Variants in CTSB observed in about 807,000 individuals in gnomAD.
CTSB encodes the protein cathepsin B, also known as APP secretase.
In CTSB, 57 loss-of-function variants were observed where a neutral mutation model predicts 44.3. The observed-to-expected ratio is 1.29, with a 90% CI of 1.04 to 1.60. The LOEUF is 1.60. CTSB is among the 40% of genes most tolerant of loss of function. The pLI is 0.00. For missense variants in CTSB, 768 were observed against 443.0 expected (o/e 1.73, Z -6.59); for synonymous variants, 320 against 168.0 (o/e 1.91, Z -7.00).
chr8:11,844,423 TTTC>T lies in CTSB; in HGVS notation c.*699_*701del, dbSNP rs1812847846. 6.6e-6 allele frequency: 1 copy of T among 152,198 alleles called. No homozygotes were observed. Among genetic ancestry groups the T allele is most frequent in the Non-Finnish European group, 1.5e-5 (1 of 68,042 alleles). 9.4% of individuals were successfully genotyped at this position (152,198 alleles called of 1,614,324 possible). Reference sequence around the variant, plus strand: ...TAAAAGCTGGTTTCTCCTAAACTATTTTCCTTGTGGTAGTAGAGATCAGTGGGT... The same window carrying T: ...TAAAAGCTGGTTTCTCCTAAACTATTCTTGTGGTAGTAGAGATCAGTGGGT... On this transcript the variant is annotated 3_prime_UTR_variant, in exon 10 of 10. Coordinates refer to ENST00000353047, the MANE Select transcript of CTSB (RefSeq NM_001908.5).
At chr8:11,867,575 AT>A (rs1468389046) in intron 1 of CTSB, 1 of 152,192 alleles carries the variant, frequency 6.6e-6, no homozygotes, top group African/African-American at 2.4e-5. Context: ...GGCAGATGCG[AT>A]TATGTCGGCA....
At position 11,845,642 on chromosome 8, in the gene CTSB, G is replaced by T; in HGVS notation, c.922+19C>A. On this transcript the variant is annotated intron_variant, in intron 9 of 9. Coordinates refer to ENST00000353047, the MANE Select transcript of CTSB (RefSeq NM_001908.5). Reference sequence around the variant, plus strand: ...GCTCACAATTCACTGTTCTTGGCAGGAAGGGGGCAGCCACTCACCATTGTC... The same window carrying T: ...GCTCACAATTCACTGTTCTTGGCAGTAAGGGGGCAGCCACTCACCATTGTC... 6.2e-7 allele frequency: 1 copy of T among 1,610,034 alleles called. No individual in the cohort carries two copies. The highest frequency in any genetic ancestry group is 8.5e-7 in the Non-Finnish European group (1 of 1,177,070).
intron 1 of CTSB, 50 bp from the exon 2 acceptor site, chr8:11,853,529 G>C (rs939307344): frequency 6.5e-7 from 1 of 1,543,138 alleles, no homozygotes; most frequent in Admixed American, 1.8e-5. Flanking sequence ...GTGGGTCGAG[G>C]GCTCACACAC....
rs368482495 is a variant in CTSB at position 11,843,205 on chromosome 8, C to T, written c.*1920G>A. ...CTTGTCATCCTCCCACCTTGGCCTC[C>T]CAAAGTGCTGGGATTACAGGCGTGA... On this transcript the variant is annotated 3_prime_UTR_variant, in exon 10 of 10. Transcript: ENST00000353047. The T allele has an allele frequency of 1.6e-4, 25 of 152,392 alleles. No individual in the cohort carries two copies. Among genetic ancestry groups the T allele is most frequent in the Middle Eastern group, 6.8e-3 (2 of 294 alleles). The allele number at this position is 152,392 out of a possible 1,614,324, so 9.4% of individuals were successfully genotyped here. A position where few individuals can be genotyped will look rare whatever the true frequency, so the allele number is the denominator to read the frequency against.
intron 1 of CTSB, chr8:11,857,969 C>T (rs1427199810): frequency 6.6e-6 from 1 of 152,308 alleles, no homozygotes; most frequent in African/African-American, 2.4e-5. Flanking sequence ...ATGAGCCCTG[C>T]ACTTGGAGTC....
intron 1 of CTSB, chr8:11,855,067 G>A (rs1262341423): frequency 6.6e-6 from 1 of 152,376 alleles, no homozygotes; most frequent in Non-Finnish European, 1.5e-5. Flanking sequence ...CTGTCCCCCA[G>A]GCTGGAGTGC....
Position 11,852,676 on chromosome 8 carries a change from T to C in CTSB, c.146A>G (p.Asn49Ser), listed in dbSNP as rs143759433. The C allele has an allele frequency of 2.5e-4, 410 of 1,613,992 alleles. 3 individuals carry two copies. The East Asian group carries it at 9.0e-3, about 35-fold the overall frequency. ...TTWQAGHNFY[N>S]VDMSYLKRLC... ...CCTCTTCAAGTAGCTCATGTCCACGTTGTAGAAGTTGTGCCCGGCCTGGAA... is the reference window on the plus strand; with the variant it reads ...CCTCTTCAAGTAGCTCATGTCCACGCTGTAGAAGTTGTGCCCGGCCTGGAA... Residue 49 changes from asparagine to serine, a missense_variant, in exon 3 of 10, where the codon AAC (asparagine) becomes AGC (serine). By Grantham distance (46) the Asn-to-Ser change is conservative. Coordinates refer to ENST00000353047, the MANE Select transcript of CTSB (RefSeq NM_001908.5).
intron 1 of CTSB, among the ~76,000 whole-genome samples, chr8:11,857,046 G>T (rs934075881): frequency 3.3e-5 from 5 of 152,078 alleles, no homozygotes; most frequent in African/African-American, 1.2e-4. Flanking sequence ...ACTTTGAGAT[G>T]GGAGTCTCGC....
At chr8:11,848,931 G>T (rs1034689556) in intron 5 of CTSB, 115 bp downstream of exon 5, 1 of 725,172 alleles carries the variant, frequency 1.4e-6, no homozygotes, top group East Asian at 2.8e-5. Context: ...GAGTCTCCCC[G>T]AAACACTTCT....
In CTSB at chr8:11,843,885, A is replaced by C. The variant is rs756798200; in HGVS notation, c.*1240T>G. On this transcript the variant is annotated 3_prime_UTR_variant, in exon 10 of 10. Transcript: ENST00000353047. ...GTATGTACTTAAAAATACAAAAATT[A>C]CCCAGGCATATTGGTGAGTGCCTGT... The C allele has an allele frequency of 6.6e-6, 1 of 152,098 alleles. No homozygotes were observed. The highest frequency in any genetic ancestry group is 2.4e-5 in the African/African-American group (1 of 41,412). The allele number at this position is 152,098 out of a possible 1,614,324, so 9.4% of individuals were successfully genotyped here.
intron 1 of CTSB, among the ~76,000 whole-genome samples, chr8:11,857,649 C>T (rs951551548): frequency 6.6e-6 from 1 of 152,190 alleles, no homozygotes; most frequent in Admixed American, 6.5e-5. Context: ...CGTGGCCATT[C>T]CCTGGAGTCC....
At chr8:11,866,244 G>T (rs1037922394) in intron 1 of CTSB, among the ~76,000 whole-genome samples, 3 of 152,146 alleles carry the variant, frequency 2.0e-5, no homozygotes, top group Non-Finnish European at 2.9e-5. Flanking sequence ...AGCCTCCCCA[G>T]TCTGCTAAAT....
intron 1 of CTSB, among the ~76,000 whole-genome samples, chr8:11,863,717 A>T (rs1242084788): frequency 6.6e-6 from 1 of 152,200 alleles, no homozygotes; most frequent in African/African-American, 2.4e-5. Context: ...TCTGGTCATG[A>T]AATTAAAACA....
intron 4 of CTSB, 194 bp from the exon 5 acceptor site, chr8:11,849,358 C>G (rs1814105748): frequency 2.3e-6 from 1 of 442,076 alleles, no homozygotes; most frequent in East Asian, 4.2e-5. Context: ...GTTGGCCAGA[C>G]TGGTCTTGAA....
chr8:11,847,739 TGGG>T lies in CTSB; in HGVS notation c.613_615del (p.Pro205del). On this transcript the variant is annotated inframe_deletion, in exon 7 of 10. Transcript: ENST00000353047. ...CCAGGCTCACAGATCTTGCTACACT[TGGG>T]GGTATCTCCCTCCCCCGTGCATGGG... 2.5e-6 allele frequency: 4 copies of T among 1,600,796 alleles called. No homozygotes were observed. Among genetic ancestry groups the T allele is most frequent in the Non-Finnish European group, 3.4e-6 (4 of 1,175,614 alleles).
In CTSB at chr8:11,847,759, G is replaced by C. The variant is rs147640153; in HGVS notation, c.596C>G (p.Thr199Arg). Residue 199 changes from threonine (T) to arginine (R), a missense_variant, in exon 7 of 10, where the codon ACG (threonine) becomes AGG (arginine). Transcript: ENST00000353047. ...ACACTTGGGGGTATCTCCCTCCCCCGTGCATGGGGGCCGGGAGCCGTTGAC... is the reference window on the plus strand; with the variant it reads ...ACACTTGGGGGTATCTCCCTCCCCCCTGCATGGGGGCCGGGAGCCGTTGAC... ...HHVNGSRPPC[T>R]GEGDTPKCSK... The C allele has an allele frequency of 3.7e-6, 6 of 1,600,858 alleles. No homozygotes were observed. The highest frequency in any genetic ancestry group is 5.1e-6 in the Non-Finnish European group (6 of 1,175,952).
chr8:11,855,337 A>G (rs150835741), intron 1 of CTSB, among the ~76,000 whole-genome samples: 83 of 152,250 alleles, frequency 5.5e-4, no homozygotes, highest in Middle Eastern at 6.8e-3. Context: ...CTTAATTTAA[A>G]AAGTTTTATG....
chr8:11,861,201 A>G (rs1442568991), intron 1 of CTSB, among the ~76,000 whole-genome samples: 1 of 152,228 alleles, frequency 6.6e-6, no homozygotes, highest in East Asian at 1.9e-4. Flanking sequence ...CATCTGTCCC[A>G]TGGAGCAGGC....
At chr8:11,856,542 G>T (rs1293914866) in intron 1 of CTSB, among the ~76,000 whole-genome samples, 1 of 152,220 alleles carries the variant, frequency 6.6e-6, no homozygotes, top group East Asian at 1.9e-4. Flanking sequence ...GAACCCAGGA[G>T]GCAGAGGCTG....
Sources: gnomAD v4.1 joint callset for allele counts (sites outside exome capture counted in the v4.1 genomes callset) on GRCh38, gnomAD v4.1.1 for gene constraint, MANE v1.5 for transcripts, NCBI Gene and HGNC (gene_info 2026-07-23, HGNC 2026-07-21) for gene names.